Variants in ERCC6 observed in about 807,000 individuals in gnomAD.
ERCC6 encodes the protein ERCC excision repair 6, chromatin remodeling factor.
ERCC6 carries 116 observed loss-of-function variants against 158.7 expected under a neutral mutation model. The ratio of observed to expected loss-of-function variants is 0.73; its 90% CI spans 0.63 to 0.85. The LOEUF (loss-of-function observed/expected upper bound fraction) is 0.85. Ranked by LOEUF, ERCC6 falls within the 40% of genes least tolerant of loss-of-function variation. ERCC6 has a pLI of 0.00. For synonymous variants in ERCC6, 678 were observed against 659.3 expected, an observed-to-expected ratio of 1.03 and a Z score of -0.43; for missense variants, 1,698 against 1,799.4, an observed-to-expected ratio of 0.94 and a Z score of 1.02.
rs193043670 is a variant in ERCC6, at chr10:49,517,220, A to G, written c.1397+6813T>C. On this transcript the variant is annotated intron_variant, in intron 5 of 20. Coordinates refer to ENST00000355832, the MANE Select transcript of ERCC6 (RefSeq NM_000124.4). The stretch of plus-strand genomic sequence containing the variant: ...AAATGTCAAACCCATAACTAATGCA[A>G]TAATAATACTTTCTGTATTTTCTTT... 20 of 1,449,182 alleles carry G rather than the reference A, an allele frequency of 1.4e-5. No individual in the cohort carries two copies. In the Admixed American group the frequency reaches 2.0e-4, roughly 14 times the overall value. 89.8% of individuals were successfully genotyped at this position (1,449,182 alleles called of 1,614,324 possible).
At chr10:49,495,890 G>A (rs1396891025) in intron 7 of ERCC6, among the ~76,000 whole-genome samples, 1 of 152,170 alleles carries the variant, frequency 6.6e-6, no homozygotes, top group Non-Finnish European at 1.5e-5. Flanking sequence ...ATTTCAAACA[G>A]TAAAATTTGA....
chr10:49,525,039 T>C, intron 4 of ERCC6: 1 of 722,580 alleles, frequency 1.4e-6, no homozygotes, highest in Non-Finnish European at 2.1e-6. Context: ...CTCTCTGCCA[T>C]CCAAAGATAG....
At chr10:49,469,316 T>A (rs1031180481) in intron 18 of ERCC6, among the ~76,000 whole-genome samples, 1 of 152,202 alleles carries the variant, frequency 6.6e-6, no homozygotes, top group Non-Finnish European at 1.5e-5. Context: ...CAAACCAGCA[T>A]GTGTCTCCTG....
intron 11 of ERCC6, among the ~76,000 whole-genome samples, chr10:49,476,999 G>A (rs886386782): frequency 6.6e-5 from 10 of 151,962 alleles, no homozygotes; most frequent in African/African-American, 2.2e-4. Flanking sequence ...GGTCAGTGCC[G>A]GTGCTGCTGG....
At chr10:49,468,205 G>C (rs1242693109) in intron 18 of ERCC6, among the ~76,000 whole-genome samples, 1 of 152,240 alleles carries the variant, frequency 6.6e-6, no homozygotes, top group Non-Finnish European at 1.5e-5. Flanking sequence ...CTGAGTGCCA[G>C]TGGAGACTCT....
At chr10:49,448,965 A>G in the ERCC6 span, among the ~76,000 whole-genome samples, 6 of 152,364 alleles carry the variant, frequency 3.9e-5, no homozygotes, top group African/African-American at 1.4e-4. Context: ...CTGTGTGGAC[A>G]TAAGTCTTCA....
chr10:49,489,748 A>C (rs1851139703), intron 8 of ERCC6, among the ~76,000 whole-genome samples: 1 of 152,206 alleles, frequency 6.6e-6, no homozygotes, highest in Non-Finnish European at 1.5e-5. Flanking sequence ...TGAAAAAAAA[A>C]TCCTTAATCA....
intron 13 of ERCC6, 80 bp downstream of exon 13, chr10:49,473,942 ATTACT>A: frequency 8.1e-7 from 1 of 1,227,446 alleles, no homozygotes; most frequent in East Asian, 2.3e-5. Flanking sequence ...CTTCAGAATC[ATTACT>A]TTAGATTGAA....
chr10:49,515,646 C>T (rs1836928296), intron 5 of ERCC6: 1 of 1,614,060 alleles, frequency 6.2e-7, no homozygotes, highest in Non-Finnish European at 8.5e-7. Flanking sequence ...CAGTTCGAAA[C>T]AGAACAAAAG....
At chr10:49,476,359 C>G (rs1850877904) in intron 11 of ERCC6, 49 bp from the exon 12 acceptor site, 1 of 1,274,522 alleles carries the variant, frequency 7.8e-7, no homozygotes, top group Non-Finnish European at 1.1e-6. Context: ...AAAAAATTAA[C>G]AGAAATAATT....
chr10:49,471,988 C>T (rs1432037313), intron 16 of ERCC6, among the ~76,000 whole-genome samples: 1 of 152,236 alleles, frequency 6.6e-6, no homozygotes, highest in African/African-American at 2.4e-5. Context: ...AGAACACCCA[C>T]ACTGATCCTA....
At chr10:49,492,496 G>A (rs1851192546) in intron 8 of ERCC6, among the ~76,000 whole-genome samples, 1 of 152,164 alleles carries the variant, frequency 6.6e-6, no homozygotes, top group Non-Finnish European at 1.5e-5. Flanking sequence ...TGGATGGTTA[G>A]ACAGATGAGA....
chr10:49,465,867 T>A (rs978855029), intron 18 of ERCC6, among the ~76,000 whole-genome samples: 1 of 151,704 alleles, frequency 6.6e-6, no homozygotes, highest in African/African-American at 2.4e-5. Flanking sequence ...TATGTCTTTA[T>A]CAGCAGTGTG....
At chr10:49,495,982 C>G (rs898239865) in intron 7 of ERCC6, among the ~76,000 whole-genome samples, 1 of 152,176 alleles carries the variant, frequency 6.6e-6, no homozygotes, top group Non-Finnish European at 1.5e-5. Context: ...ACGTGGCCTA[C>G]GAGGCCACGA....
At chr10:49,531,013 T>C (rs968548541) in intron 2 of ERCC6, among the ~76,000 whole-genome samples, 173 bp from the exon 3 acceptor site, 1 of 152,182 alleles carries the variant, frequency 6.6e-6, no homozygotes, top group African/African-American at 2.4e-5. Flanking sequence ...GTAGGATCAT[T>C]AGAGGTTTAA....
chr10:49,527,108 G>GT (rs1837358611), intron 4 of ERCC6, among the ~76,000 whole-genome samples: 1 of 152,164 alleles, frequency 6.6e-6, no homozygotes, highest in Admixed American at 6.5e-5. Context: ...AGGCAGAGTG[G>GT]AACAAGGATA....
intron 6 of ERCC6, chr10:49,505,661 A>G (rs528187739): frequency 1.0e-4 from 57 of 566,030 alleles, no homozygotes; most frequent in African/African-American, 9.8e-4. Context: ...ATATAGATTC[A>G]TCAGTTTACA....
At chr10:49,452,511 TC>T (rs1850431512), downstream of ERCC6, among the ~76,000 whole-genome samples, 1 of 152,150 alleles carries the variant, frequency 6.6e-6, no homozygotes, top group Non-Finnish European at 1.5e-5. Context: ...ATAAGGCCTA[TC>T]CTGAAGAATG....
chr10:49,500,638 T>C lies in ERCC6; in HGVS notation c.1585A>G (p.Ile529Val). 2 of 1,614,056 alleles carry C rather than the reference T, an allele frequency of 1.2e-6. No individual in the cohort carries two copies. The highest frequency in any genetic ancestry group is 1.7e-6 in the Non-Finnish European group (2 of 1,179,926). ...CCCAATCCCATTTCATCTCCCAGAA[T>C]TCCTCCTGCCTGCTGGCAGTGCAAT... ...WELHCQQAGG[I>V]LGDEMGLGKT... The change falls in exon 7 of 21, where the codon ATT (isoleucine) becomes GTT (valine). Residue 529 changes from isoleucine to valine, a missense_variant. Ile to Val is a conservative substitution (Grantham distance 29). Coordinates refer to ENST00000355832, the MANE Select transcript of ERCC6 (RefSeq NM_000124.4).
Sources: allele counts gnomAD v4.1 joint callset (sites outside exome capture counted in the v4.1 genomes callset), GRCh38; gene constraint gnomAD v4.1.1; transcripts MANE v1.5; gene names NCBI Gene and HGNC (gene_info 2026-07-23, HGNC 2026-07-21).